The following PTGS1 variants were observed in gnomAD, a reference collection of about 807,000 sequenced individuals.
PTGS1 encodes the protein prostaglandin G/H synthase 1.
Under a neutral mutation model 63.0 loss-of-function variants are expected in PTGS1, and 40 were observed. The observed-to-expected ratio is 0.63, with a 90% confidence interval of 0.49 to 0.83. PTGS1 has a LOEUF of 0.83. Among genes scored for constraint, PTGS1 ranks in the 40% least tolerant of loss-of-function variants. The probability of loss-of-function intolerance (pLI) is 0.00; values close to 1 mark genes in which losing one functional copy is unlikely to be tolerated. For missense variants in PTGS1, 709 were observed against 786.5 expected (o/e 0.90, Z 1.18); for synonymous variants, 298 against 301.9 (o/e 0.99, Z 0.13).
chr9:122,371,612 GGGGCCTCTTT>G (rs1409005211), intron 2 of PTGS1: 3 of 1,431,752 alleles, frequency 2.1e-6, no homozygotes, highest in African/African-American at 2.9e-5. Context: ...GTTTCCTATA[GGGGCCTCTTT>G]GGGAGGAAGC....
chr9:122,371,239 G>T lies in PTGS1; in HGVS notation c.61G>T (p.Val21Phe), dbSNP rs200727971. ...LFLLLLPPLP[V>F]LLADPGAPTP... ...CCTGCTCCTGCTCCCGCCGCTCCCC[G>T]TCCTGCTCGCGGACCCAGGGGCGCC... Residue 21 changes from valine to phenylalanine, a missense_variant, in exon 2 of 11, where the codon GTC (valine) becomes TTC (phenylalanine). By Grantham distance (50) the Val-to-Phe change is conservative (BLOSUM62 -1). Transcript: ENST00000362012. 3.7e-6 allele frequency: 6 copies of T among 1,607,468 alleles called. No homozygotes were observed. In the East Asian group the frequency reaches 1.3e-4, roughly 36 times the overall value.
At chr9:122,379,628 G>T (rs528903919) in intron 5 of PTGS1, among the ~76,000 whole-genome samples, 8 of 152,122 alleles carry the variant, frequency 5.3e-5, no homozygotes, top group Non-Finnish European at 1.0e-4. Context: ...CTACTGTGAC[G>T]GTTTTCCATC....
At position 122,375,344 on chromosome 9, in the gene PTGS1, C is replaced by A. The variant is rs759738095; in HGVS notation, c.95-2555C>A. The A allele has an allele frequency of 7.1e-6, 7 of 985,484 alleles. No homozygotes were observed. The East Asian group carries it at 7.9e-4, about 112-fold the overall frequency. The allele number at this position is 985,484 out of a possible 1,614,324, so 61.0% of individuals were successfully genotyped here. ...TGGAGCTTGTGGCTCTTCTGCCTGC[C>A]GAGGCAGAGCTCTAGGGCCATGGCG... is the stretch of plus-strand genomic sequence containing the variant. On this transcript the variant is annotated intron_variant, in intron 2 of 10. Transcript: ENST00000362012.
Position 122,378,819 on chromosome 9 carries a change from C to G in PTGS1, c.397C>G (p.His133Asp). The G allele has an allele frequency of 6.2e-7, 1 of 1,614,252 alleles. No homozygotes were observed. Among genetic ancestry groups the G allele is most frequent in the East Asian group, 2.2e-5 (1 of 44,886 alleles). ...IPSPPTYNSA[H>D]DYISWESFSN... ...CAGTCCCCCCACCTACAACTCAGCA[C>G]ATGACTACATCAGCTGGGAGTCTTT... is the stretch of plus-strand genomic sequence containing the variant. The change falls in exon 5 of 11, where the codon CAT becomes GAT. Residue 133 changes from histidine (H) to aspartate (D), a missense_variant. Physicochemically the swap from His to Asp is moderately conservative, Grantham distance 81 (BLOSUM62 -1). Coordinates refer to ENST00000362012, the MANE Select transcript of PTGS1 (RefSeq NM_000962.4).
At chr9:122,373,687 C>T (rs1177513510) in intron 2 of PTGS1, among the ~76,000 whole-genome samples, 4 of 152,228 alleles carry the variant, frequency 2.6e-5, no homozygotes, top group Admixed American at 2.0e-4. Context: ...GCCAAGGCTG[C>T]CCGGGTGCCT....
At chr9:122,375,243 G>C (rs1418912776) in intron 2 of PTGS1, 1 of 969,702 alleles carries the variant, frequency 1.0e-6, no homozygotes. Flanking sequence ...GGGCCGGACT[G>C]GGAGGGAGGA....
chr9:122,371,181 T>C lies in PTGS1; in HGVS notation c.8-5T>C, dbSNP rs774591950. 1 of 1,608,930 alleles carries C rather than the reference T, an allele frequency of 6.2e-7. No homozygotes were observed. The highest frequency in any genetic ancestry group is 1.7e-5 in the Admixed American group (1 of 60,008). ...GGCTCAGCCCCTCATCTCTCTCCTC[T>C]GCAGGGAGTCTCTTGCTCTGGTTCT... is the stretch of plus-strand genomic sequence containing the variant. On this transcript the variant is annotated splice_polypyrimidine_tract_variant and splice_region_variant and intron_variant, in intron 1 of 10. Transcript: ENST00000362012.
chr9:122,387,086 T>G (rs538405956), intron 9 of PTGS1, among the ~76,000 whole-genome samples: 67 of 152,078 alleles, frequency 4.4e-4, no homozygotes, highest in African/African-American at 1.6e-3. Context: ...TCTAAGAGTA[T>G]GTTATAAACC....
chr9:122,390,521 G>A (rs1838156923), intron 10 of PTGS1, among the ~76,000 whole-genome samples, 176 bp downstream of exon 10: 1 of 152,174 alleles, frequency 6.6e-6, no homozygotes, highest in Non-Finnish European at 1.5e-5. Context: ...GGGAGAGAAG[G>A]TGACTTTTCA....
At chr9:122,383,180 GTTT>G in intron 7 of PTGS1, among the ~76,000 whole-genome samples, 1 of 122,696 alleles carries the variant, frequency 8.2e-6, no homozygotes, top group Middle Eastern at 4.2e-3. Flanking sequence ...AAGATTTGTT[GTTT>G]TTTTTTTTTT....
chr9:122,381,409 C>CAGGA lies in PTGS1; in HGVS notation c.535_536insAGGA (p.Arg179GlnfsTer12), dbSNP rs1564136962. ...GCCAGATGCCCAGCTCCTGGCCCGC[C>CAGGA]GCTTCCTGCTCAGGAGGAAGTTCAT... On this transcript the variant is annotated frameshift_variant, in exon 6 of 11. Transcript: ENST00000362012. LOFTEE classifies it high-confidence loss of function. The CAGGA allele has an allele frequency of 6.2e-7, 1 of 1,614,122 alleles. No homozygotes were observed. Among genetic ancestry groups the CAGGA allele is most frequent in the Non-Finnish European group, 8.5e-7 (1 of 1,180,010 alleles).
Position 122,378,027 on chromosome 9 carries a change from C to T in PTGS1, c.211+12C>T. On this transcript the variant is annotated intron_variant, in intron 3 of 10. Transcript: ENST00000362012. ...CAACTGCACCATCCGTGAGCTGGGC[C>T]TTCAGCCCTCACTCCTTCCGTCTTG... The T allele has an allele frequency of 6.2e-7, 1 of 1,605,436 alleles. No homozygotes were observed. The highest frequency in any genetic ancestry group is 8.5e-7 in the Non-Finnish European group (1 of 1,174,730).
intron 7 of PTGS1, among the ~76,000 whole-genome samples, chr9:122,383,166 A>T (rs187424521): frequency 1.3e-3 from 190 of 147,610 alleles, no homozygotes; most frequent in African/African-American, 4.6e-3. Flanking sequence ...TCAGCTCATG[A>T]TGCAAGATTT....
At chr9:122,375,433 G>A (rs2119121193) in intron 2 of PTGS1, 1 of 985,522 alleles carries the variant, frequency 1.0e-6, no homozygotes, top group African/African-American at 1.7e-5. Flanking sequence ...ACTCCTTTTG[G>A]TCAGGCTGGA....
At chr9:122,386,193 T>C (rs1343299390) in intron 8 of PTGS1, among the ~76,000 whole-genome samples, 1 of 151,688 alleles carries the variant, frequency 6.6e-6, no homozygotes, top group African/African-American at 2.4e-5. Context: ...TCCCAGCTAC[T>C]TGGGAGGCTG....
intron 3 of PTGS1, 93 bp downstream of exon 3, chr9:122,378,108 C>G: frequency 8.3e-7 from 1 of 1,202,864 alleles, no homozygotes; most frequent in South Asian, 1.3e-5. Flanking sequence ...ACCCTCCTCT[C>G]TGACCATGGC....
At chr9:122,391,430 T>TATATATATACATATATATATATATAC (rs1564147754) in intron 10 of PTGS1, among the ~76,000 whole-genome samples, 5 of 25,358 alleles carry the variant, frequency 2.0e-4, no homozygotes, top group Admixed American at 1.4e-3. Context: ...TATATATACA[T>TATATATATACATATATATATATATAC]ATATATATAT....
chr9:122,378,486 C>T lies in PTGS1; in HGVS notation c.265C>T (p.His89Tyr), dbSNP rs370137933. ...NSLRPSPSFTHFLLTHGRWFW... is the reference protein window; with the variant it reads ...NSLRPSPSFTYFLLTHGRWFW... ...ACTGCGGCCCAGCCCCTCTTTCACCCACTTCCTGCTCACTCACGGGCGCTG... is the reference window on the plus strand; with the variant it reads ...ACTGCGGCCCAGCCCCTCTTTCACCTACTTCCTGCTCACTCACGGGCGCTG... Residue 89 changes from histidine (H) to tyrosine (Y), a missense_variant, in exon 4 of 11, where the codon CAC (histidine) becomes TAC (tyrosine). Transcript: ENST00000362012. 2 of 1,614,126 alleles carry T rather than the reference C, an allele frequency of 1.2e-6. No homozygotes were observed. The highest frequency in any genetic ancestry group is 8.5e-7 in the Non-Finnish European group (1 of 1,180,054).
Position 122,371,058 on chromosome 9 carries a change from T to G in PTGS1, c.-27T>G, listed in dbSNP as rs373641068. On this transcript the variant is annotated 5_prime_UTR_variant, in exon 1 of 11. Coordinates refer to ENST00000362012, the MANE Select transcript of PTGS1 (RefSeq NM_000962.4). ...GGCGCACGCACAGGAGCCTGCACTC[T>G]GCGTCCCGCACCCCAGCAGCCGCGC... 4.4e-6 allele frequency: 7 copies of G among 1,587,544 alleles called. No homozygotes were observed. The African/African-American group carries it at 6.7e-5, about 15-fold the overall frequency.
Sources: allele counts gnomAD v4.1 joint callset (sites outside exome capture counted in the v4.1 genomes callset), GRCh38; gene constraint gnomAD v4.1.1; transcripts MANE v1.5; gene names NCBI Gene and HGNC (gene_info 2026-07-23, HGNC 2026-07-21).